Variants in GABRG2 observed in about 807,000 individuals in gnomAD.
GABRG2 encodes the protein gamma-aminobutyric acid type A receptor subunit gamma2, also known as gamma-aminobutyric acid receptor subunit gamma-2.
In GABRG2, 16 loss-of-function variants were observed where a neutral mutation model predicts 56.4. The observed-to-expected ratio is 0.28, with a 90% CI of 0.19 to 0.43. The LOEUF is 0.43. Among genes scored for constraint, GABRG2 ranks in the 20% least tolerant of loss-of-function variants. The pLI is 1.00. For missense variants in GABRG2, 327 were observed against 582.7 expected, an observed-to-expected ratio of 0.56 and a Z score of 4.52; for synonymous variants, 208 against 205.5, an observed-to-expected ratio of 1.01 and a Z score of -0.10.
At chr5:162,068,251 G>T in intron 1 of GABRG2, 145 bp downstream of exon 1, 1 of 697,924 alleles carries the variant, frequency 1.4e-6, no homozygotes. Flanking sequence ...AATATATGGG[G>T]CGGGGACTGG....
Position 162,146,063 on chromosome 5 carries a change from T to TTCTC in GABRG2, c.923-3044_923-3041dup, listed in dbSNP as rs1273905037. On this transcript the variant is annotated intron_variant, in intron 7 of 9. Transcript: ENST00000639213. The stretch of plus-strand genomic sequence containing the variant: ...TAATCTTTACTGGAGACTTATAAGG[T>TTCTC]TCTCCATCATTACCACCACCACTCC... Among the ~76,000 whole-genome samples, 2 of 152,054 alleles carry TTCTC rather than the reference T, an allele frequency of 1.3e-5. 1 individual carries two copies. Among genetic ancestry groups the TTCTC allele is most frequent in the African/African-American group, 4.8e-5 (2 of 41,338 alleles).
chr5:162,142,971 T>A (rs1764696547), intron 7 of GABRG2: 1 of 152,252 alleles, frequency 6.6e-6, no homozygotes, highest in Non-Finnish European at 1.5e-5. Context: ...TTTTCTTGAG[T>A]AACTTTTCTT....
chr5:162,130,893 T>C (rs1763694416), intron 6 of GABRG2, among the ~76,000 whole-genome samples: 1 of 151,954 alleles, frequency 6.6e-6, no homozygotes, highest in African/African-American at 2.4e-5. Context: ...ATAGAAGGCA[T>C]GGAGAGAGAC....
At chr5:162,105,847 C>CACCAT (rs759091506) in intron 6 of GABRG2, among the ~76,000 whole-genome samples, 6 of 115,852 alleles carry the variant, frequency 5.2e-5, no homozygotes, top group Non-Finnish European at 5.5e-5. Flanking sequence ...ACACACACCA[C>CACCAT]GTAAAATTAA....
In GABRG2 at chr5:162,138,876, T is replaced by C. The variant is rs562867806; in HGVS notation, c.770-3288T>C. Among the ~76,000 whole-genome samples, 3 of 152,264 alleles carry C rather than the reference T, an allele frequency of 2.0e-5. No homozygotes were observed. In the East Asian group the frequency reaches 5.8e-4, roughly 29 times the overall value. ...ATTTTCTATTATTTCAGGGGTTCAA[T>C]AGAGGGAAAGACTTCTTTACCATGG... On this transcript the variant is annotated intron_variant, in intron 6 of 9. Coordinates refer to ENST00000639213, the MANE Select transcript of GABRG2 (RefSeq NM_198904.4).
At chr5:162,094,243 C>A in intron 2 of GABRG2, 1 of 438,150 alleles carries the variant, frequency 2.3e-6, no homozygotes. Context: ...CAGATAGAAG[C>A]TGTAGGAAAA....
intron 6 of GABRG2, among the ~76,000 whole-genome samples, chr5:162,113,656 C>T (rs1319325257): frequency 1.3e-5 from 2 of 152,188 alleles, no homozygotes; most frequent in East Asian, 3.9e-4. Context: ...TGCCTATACT[C>T]ACATGACTAA....
chr5:162,105,432 C>CTTTTTTTTTTTTTTTTTTT (rs533258756), intron 6 of GABRG2, among the ~76,000 whole-genome samples: 4 of 104,114 alleles, frequency 3.8e-5, no homozygotes, highest in Non-Finnish European at 3.6e-5. Context: ...GTAGAACAAT[C>CTTTTTTTTTTTTTTTTTTT]TTTTTTTTTT....
chr5:162,129,921 G>A (rs891246278), intron 6 of GABRG2, among the ~76,000 whole-genome samples: 1 of 151,858 alleles, frequency 6.6e-6, no homozygotes, highest in African/African-American at 2.4e-5. Flanking sequence ...ATAGGGAAGA[G>A]AAAGAGAATT....
At chr5:162,149,682 C>T (rs1765226097) in intron 8 of GABRG2, 5 of 549,356 alleles carry the variant, frequency 9.1e-6, no homozygotes, top group Non-Finnish European at 1.8e-5. Flanking sequence ...GGCGGGATCT[C>T]GGCTTACTGC....
chr5:162,111,316 C>A (rs1033008667), intron 6 of GABRG2, among the ~76,000 whole-genome samples: 13 of 152,036 alleles, frequency 8.6e-5, no homozygotes, highest in African/African-American at 3.1e-4. Flanking sequence ...ATTTTCTTTC[C>A]ATTGTGATTC....
At position 162,155,260 on chromosome 5, in the gene GABRG2, T is replaced by C. The variant is rs1278863813; in HGVS notation, c.*1892T>C. On this transcript the variant is annotated 3_prime_UTR_variant, in exon 10 of 10. Transcript: ENST00000639213. ...TTATTTTCTTGTTTTGAATTGTCAA[T>C]ATATTAAATGTTGACTCTTTGGGAG... is the stretch of plus-strand genomic sequence containing the variant. 2 of 152,492 alleles carry C rather than the reference T, an allele frequency of 1.3e-5. No individual in the cohort carries two copies. The highest frequency in any genetic ancestry group is 2.9e-5 in the Non-Finnish European group (2 of 68,010). The allele number at this position is 152,492 out of a possible 1,614,324, so 9.4% of individuals were successfully genotyped here. A position where few individuals can be genotyped will look rare whatever the true frequency, so the allele number is the denominator to read the frequency against.
chr5:162,074,675 AAC>A (rs1231452525), intron 1 of GABRG2, among the ~76,000 whole-genome samples: 6 of 152,050 alleles, frequency 3.9e-5, no homozygotes, highest in Non-Finnish European at 8.8e-5. Flanking sequence ...TGCTTTTGAA[AAC>A]ACACTTGAGA....
rs1765616684 is a variant in GABRG2, at chr5:162,155,024, C to G, written c.*1656C>G. 1 of 152,216 alleles carries G rather than the reference C, an allele frequency of 6.6e-6. No homozygotes were observed. The highest frequency in any genetic ancestry group is 1.5e-5 in the Non-Finnish European group (1 of 67,982). 9.4% of individuals were successfully genotyped at this position (152,216 alleles called of 1,614,324 possible). On this transcript the variant is annotated 3_prime_UTR_variant, in exon 10 of 10. Coordinates refer to ENST00000639213, the MANE Select transcript of GABRG2 (RefSeq NM_198904.4). The stretch of plus-strand genomic sequence containing the variant: ...AATTATTTTTATGGAAATTATTACT[C>G]TGTCATAATTAAATCATAGCTAGTA...
intron 1 of GABRG2, among the ~76,000 whole-genome samples, chr5:162,092,571 G>A (rs929890101): frequency 1.3e-4 from 20 of 152,022 alleles, no homozygotes; most frequent in African/African-American, 4.8e-4. Flanking sequence ...GCATTCATGT[G>A]TACACACATA....
intron 6 of GABRG2, among the ~76,000 whole-genome samples, chr5:162,118,768 A>G (rs956220077): frequency 6.6e-6 from 1 of 152,114 alleles, no homozygotes; most frequent in Non-Finnish European, 1.5e-5. Flanking sequence ...CTTAAGAAGG[A>G]TGACAAGCTG....
intron 6 of GABRG2, among the ~76,000 whole-genome samples, chr5:162,119,875 A>G (rs534269790): frequency 2.6e-5 from 4 of 152,132 alleles, no homozygotes; most frequent in Non-Finnish European, 5.9e-5. Context: ...TATAGTCATA[A>G]TGCTGTTTAA....
intron 7 of GABRG2, among the ~76,000 whole-genome samples, chr5:162,144,306 G>A (rs888432982): frequency 2.0e-5 from 3 of 152,156 alleles, no homozygotes; most frequent in African/African-American, 7.2e-5. Context: ...AACATTTTAA[G>A]GAAGAGATTT....
intron 4 of GABRG2, chr5:162,098,655 G>A (rs957631016): frequency 2.6e-5 from 4 of 152,124 alleles, no homozygotes; most frequent in Non-Finnish European, 5.9e-5. Context: ...CTAGGGCAAC[G>A]CTCCAGCATT....
Sources: allele counts gnomAD v4.1 joint callset (sites outside exome capture counted in the v4.1 genomes callset), GRCh38; gene constraint gnomAD v4.1.1; transcripts MANE v1.5; gene names NCBI Gene and HGNC (gene_info 2026-07-23, HGNC 2026-07-21).